Variants in EED observed in about 807,000 individuals in gnomAD.
The protein encoded by EED is polycomb protein EED.
EED carries 9 observed loss-of-function variants against 61.0 expected under a neutral mutation model. The ratio of observed to expected loss-of-function variants is 0.15; its 90% CI spans 0.09 to 0.26. The LOEUF (loss-of-function observed/expected upper bound fraction) is 0.26. EED is among the 10% of genes least tolerant of loss of function. The pLI is 1.00. For missense variants in EED, 315 were observed against 542.3 expected (o/e 0.58, Z 4.16); for synonymous variants, 187 against 174.4 (o/e 1.07, Z -0.57).
downstream of EED, among the ~76,000 whole-genome samples, chr11:86,283,587 A>G (rs564829430): frequency 3.3e-5 from 5 of 152,376 alleles, no homozygotes; most frequent in Admixed American, 1.3e-4. Flanking sequence ...AAATAAGCTA[A>G]CAGTAAGAGG....
chr11:86,280,925 G>T (rs1035044910), downstream of EED, among the ~76,000 whole-genome samples: 6 of 152,142 alleles, frequency 3.9e-5, no homozygotes, highest in Non-Finnish European at 8.8e-5. Flanking sequence ...TTGTGATAAT[G>T]TACAGTTTTT....
chr11:86,266,330 T>C, intron 8 of EED, 114 bp downstream of exon 8: 1 of 899,170 alleles, frequency 1.1e-6, no homozygotes, highest in Non-Finnish European at 1.6e-6. Flanking sequence ...GACCTTCTTT[T>C]AACTTTAAGG....
At chr11:86,245,417 GA>G (rs1201429219) in intron 1 of EED, 74 bp downstream of exon 1, 29 of 1,244,374 alleles carry the variant, frequency 2.3e-5, no homozygotes, top group African/African-American at 3.1e-5. Context: ...GGGGCGCGGG[GA>G]CGAGCGGGCT....
chr11:86,261,480 C>T (rs1357838318), intron 6 of EED, among the ~76,000 whole-genome samples: 1 of 152,208 alleles, frequency 6.6e-6, no homozygotes, highest in African/African-American at 2.4e-5. Context: ...GCAGCTCTTG[C>T]AGGCTGGTGG....
downstream of EED, among the ~76,000 whole-genome samples, chr11:86,279,636 G>T (rs1377220091): frequency 6.6e-6 from 1 of 152,032 alleles, no homozygotes; most frequent in African/African-American, 2.4e-5. Context: ...AATTTTGTCA[G>T]GTTTTTAAAA....
intron 4 of EED, 92 bp downstream of exon 4, chr11:86,255,379 A>C: frequency 9.6e-7 from 1 of 1,042,664 alleles, no homozygotes; most frequent in Non-Finnish European, 1.4e-6. Context: ...ATTTCCCTAA[A>C]GTTATTGTTC....
intron 9 of EED, among the ~76,000 whole-genome samples, chr11:86,270,355 G>GT (rs55640335): frequency 1.6e-4 from 21 of 128,556 alleles, no homozygotes; most frequent in Non-Finnish European, 2.5e-4. Context: ...TTTTTGTTGT[G>GT]TTTTTTTTTT....
chr11:86,256,645 CTT>C, intron 5 of EED, 133 bp downstream of exon 5: 1 of 895,614 alleles, frequency 1.1e-6, no homozygotes, highest in African/African-American at 1.7e-5. Context: ...TTACTGCTCT[CTT>C]TGGATGAGTC....
chr11:86,259,469 A>G (rs1437126834), intron 6 of EED, among the ~76,000 whole-genome samples: 3 of 151,910 alleles, frequency 2.0e-5, no homozygotes, highest in Non-Finnish European at 4.4e-5. Context: ...GTGCCGCCAT[A>G]CCTGGCTAAT....
downstream of EED, among the ~76,000 whole-genome samples, chr11:86,279,129 T>G (rs1228801018): frequency 6.6e-6 from 1 of 152,252 alleles, no homozygotes; most frequent in Non-Finnish European, 1.5e-5. Context: ...TTTAATGATT[T>G]CTTATGTAAT....
At chr11:86,268,962 T>G (rs931085808) in intron 9 of EED, among the ~76,000 whole-genome samples, 4 of 152,192 alleles carry the variant, frequency 2.6e-5, no homozygotes, top group Non-Finnish European at 4.4e-5. Context: ...TTATGGGCTG[T>G]AGTTTGCCAA....
rs746812148 is a variant in EED at position 86,245,228 on chromosome 11, A to G, written c.-2A>G. ...CAGGAACCTGGAGGGAGGCGGAGGA[A>G]TATGTCCGAGAGGGAAGTGTCGACT... is the stretch of plus-strand genomic sequence containing the variant. On this transcript the variant is annotated 5_prime_UTR_variant, in exon 1 of 12. Coordinates refer to ENST00000263360, the MANE Select transcript of EED (RefSeq NM_003797.5). 28 of 1,611,234 alleles carry G rather than the reference A, an allele frequency of 1.7e-5. No individual in the cohort carries two copies. Among genetic ancestry groups the G allele is most frequent in the Non-Finnish European group, 2.4e-5 (28 of 1,178,800 alleles).
Position 86,264,173 on chromosome 11 carries a change from T to C in EED, c.636T>C (p.Asp212=). The C allele has an allele frequency of 6.2e-7, 1 of 1,612,796 alleles. No homozygotes were observed. Among genetic ancestry groups the C allele is most frequent in the Non-Finnish European group, 8.5e-7 (1 of 1,178,878 alleles). Residue 212 remains aspartate, a splice_region_variant and synonymous_variant, in exon 7 of 12, where the codon GAT becomes GAC. Transcript: ENST00000263360. ...DPNLLLSVSK[D]HALRLWNIQT... ...CTAATTTTTGTATGTTTATACTAGA[T>C]CATGCTTTACGATTATGGAATATCC...
chr11:86,277,836 G>C, intron 10 of EED, 82 bp from the exon 11 acceptor site: 1 of 1,354,402 alleles, frequency 7.4e-7, no homozygotes, highest in Non-Finnish European at 9.7e-7. Flanking sequence ...TCTGAAACAA[G>C]AAAGCTGTCT....
chr11:86,264,551 G>A (rs918989924), intron 7 of EED: 1 of 261,862 alleles, frequency 3.8e-6, no homozygotes, highest in Admixed American at 5.2e-5. Context: ...CTAAGTTAAT[G>A]TTTGTTTTGC....
chr11:86,283,548 T>A (rs944276185), downstream of EED, among the ~76,000 whole-genome samples: 8 of 152,210 alleles, frequency 5.3e-5, no homozygotes, highest in African/African-American at 1.9e-4. Context: ...GCCTTTCATG[T>A]AACAGGGGTC....
chr11:86,266,254 T>C, intron 8 of EED, 38 bp downstream of exon 8: 3 of 1,530,096 alleles, frequency 2.0e-6, no homozygotes, highest in Non-Finnish European at 1.8e-6. Context: ...TGCTATGTTG[T>C]GCTATTGAAT....
chr11:86,258,549 T>C (rs915916551), intron 6 of EED, among the ~76,000 whole-genome samples: 1 of 150,056 alleles, frequency 6.7e-6, no homozygotes, highest in African/African-American at 2.5e-5. Flanking sequence ...TTTTCTTTGT[T>C]TTTTGGTTTT....
At chr11:86,281,262 A>G (rs1465934305), downstream of EED, among the ~76,000 whole-genome samples, 2 of 152,214 alleles carry the variant, frequency 1.3e-5, no homozygotes, top group Non-Finnish European at 2.9e-5. Context: ...GAAACAGAAA[A>G]GTGCCGTCTT....
Sources: allele counts gnomAD v4.1 joint callset (sites outside exome capture counted in the v4.1 genomes callset), GRCh38; gene constraint gnomAD v4.1.1; transcripts MANE v1.5; gene names NCBI Gene and HGNC (gene_info 2026-07-23, HGNC 2026-07-21).